The following CACNA1C variants were observed in gnomAD, a reference collection of about 807,000 sequenced individuals.
CACNA1C encodes the protein calcium voltage-gated channel subunit alpha1 C, also known as voltage-dependent L-type calcium channel subunit alpha-1C.
CACNA1C carries 30 observed loss-of-function variants against 229.0 expected under a neutral mutation model. The observed-to-expected ratio is 0.13, with a 90% CI of 0.10 to 0.18. The LOEUF (loss-of-function observed/expected upper bound fraction) is 0.18, where lower values mean the gene tolerates loss of function less well. Among genes scored for constraint, CACNA1C ranks in the 10% least tolerant of loss-of-function variants. The pLI is 1.00. For missense variants in CACNA1C, 1,658 were observed against 2,845.0 expected, an observed-to-expected ratio of 0.58 and a Z score of 9.49; for synonymous variants, 1,114 against 1,132.5, an observed-to-expected ratio of 0.98 and a Z score of 0.33.
intron 3 of CACNA1C, among the ~76,000 whole-genome samples, chr12:2,278,024 C>T (rs1476698258): frequency 6.6e-6 from 1 of 152,218 alleles, no homozygotes; most frequent in African/African-American, 2.4e-5. Flanking sequence ...TGACAGGCCT[C>T]AAGCCTGCAG....
chr12:2,608,159 T>C lies in CACNA1C; in HGVS notation c.3357-352T>C, dbSNP rs957173814. On this transcript the variant is annotated intron_variant, in intron 26 of 46. Coordinates refer to ENST00000399655, the MANE Select transcript of CACNA1C (RefSeq NM_000719.7). This position sits in a 1 kb window ranked among gnomAD's most constrained non-coding sequence, Gnocchi z 4.2. ...GAGCTCATGCCAGTTTGCAAAGCTG[T>C]CTCAATATTTACCAATATTTCCAGT... 2.7e-5 allele frequency: 5 copies of C among 184,370 alleles called. No homozygotes were observed. Among genetic ancestry groups the C allele is most frequent in the Non-Finnish European group, 5.6e-5 (5 of 89,492 alleles). 11.4% of individuals were successfully genotyped at this position (184,370 alleles called of 1,614,324 possible).
intron 3 of CACNA1C, among the ~76,000 whole-genome samples, chr12:2,156,961 G>A (rs2095583184): frequency 6.6e-6 from 1 of 152,230 alleles, no homozygotes; most frequent in Non-Finnish European, 1.5e-5. Flanking sequence ...TGCATGTACT[G>A]TATGAGACAG....
chr12:2,610,488 C>A (rs184829820), intron 27 of CACNA1C, 53 bp from the exon 28 acceptor site: 26 of 1,562,202 alleles, frequency 1.7e-5, no homozygotes, highest in Middle Eastern at 1.7e-4. Context: ...CAGCTCCCCC[C>A]ACACCCTCCA....
At chr12:2,550,562 A>C in intron 10 of CACNA1C, 2 of 1,351,788 alleles carry the variant, frequency 1.5e-6, no homozygotes, top group Non-Finnish European at 2.0e-6. Context: ...GCAGAAGTGC[A>C]GTGGAGCCTG....
chr12:2,529,074 A>G (rs918492522), intron 9 of CACNA1C, among the ~76,000 whole-genome samples: 2 of 152,230 alleles, frequency 1.3e-5, no homozygotes, highest in Non-Finnish European at 2.9e-5. Context: ...GTAGAAGTTT[A>G]GTTACATATT....
chr12:2,485,462 C>T (rs918675875), intron 5 of CACNA1C, among the ~76,000 whole-genome samples: 1 of 152,148 alleles, frequency 6.6e-6, no homozygotes, highest in Non-Finnish European at 1.5e-5. Context: ...CGGTGCAAGC[C>T]CCAGACCTCA....
intron 3 of CACNA1C, among the ~76,000 whole-genome samples, chr12:2,307,910 A>G (rs1229588332): frequency 2.6e-5 from 4 of 152,204 alleles, no homozygotes; most frequent in Admixed American, 6.5e-5. Flanking sequence ...TCATGGACTT[A>G]TTTAAAAGGA....
intron 3 of CACNA1C, among the ~76,000 whole-genome samples, chr12:2,153,001 AAAAC>A (rs1597440999): frequency 6.6e-6 from 1 of 152,236 alleles, no homozygotes; most frequent in Non-Finnish European, 1.5e-5. Context: ...AAAGCAAAGG[AAAAC>A]AAACAGTTTT....
chr12:2,210,896 A>G (rs1295884977), intron 3 of CACNA1C, among the ~76,000 whole-genome samples: 1 of 152,178 alleles, frequency 6.6e-6, no homozygotes, highest in Non-Finnish European at 1.5e-5. Flanking sequence ...ATCTGCAGCT[A>G]TAACTGGTAT....
In CACNA1C at chr12:2,674,413, C is replaced by G. The variant is rs548412272; in HGVS notation, c.4727-128C>G. ...GAAGACTGGGGAGAAGTGAAGCAAGCAAGAAAGAAACTGATGAGTCAGGGT... is the reference window on the plus strand; with the variant it reads ...GAAGACTGGGGAGAAGTGAAGCAAGGAAGAAAGAAACTGATGAGTCAGGGT... On this transcript the variant is annotated intron_variant, in intron 38 of 46. Transcript: ENST00000399655. 14 of 1,337,350 alleles carry G rather than the reference C, an allele frequency of 1.0e-5. No individual in the cohort carries two copies. In the South Asian group the frequency reaches 2.1e-4, roughly 20 times the overall value. 82.8% of individuals were successfully genotyped at this position (1,337,350 alleles called of 1,614,324 possible).
At chr12:2,329,714 T>C (rs1026290847) in intron 3 of CACNA1C, among the ~76,000 whole-genome samples, 1 of 152,194 alleles carries the variant, frequency 6.6e-6, no homozygotes, top group African/African-American at 2.4e-5. Context: ...GTGTGCACTT[T>C]ATGAAGTTCA....
intron 43 of CACNA1C, among the ~76,000 whole-genome samples, chr12:2,683,949 C>G (rs569632366): frequency 2.0e-5 from 3 of 152,224 alleles, no homozygotes; most frequent in African/African-American, 7.2e-5. Flanking sequence ...AAGCCCTCAC[C>G]GACCCCTCCC....
chr12:2,271,557 A>T (rs1006261585), intron 3 of CACNA1C, among the ~76,000 whole-genome samples: 1 of 152,152 alleles, frequency 6.6e-6, no homozygotes, highest in Non-Finnish European at 1.5e-5. Flanking sequence ...TAAAATGGGG[A>T]TGAAAATAGT....
rs1249037406 is a variant in CACNA1C, at chr12:2,285,330, A to G, written c.478-163646A>G. Among the ~76,000 whole-genome samples, 3 of 152,188 alleles carry G rather than the reference A, an allele frequency of 2.0e-5. No homozygotes were observed. The highest frequency in any genetic ancestry group is 4.4e-5 in the Non-Finnish European group (3 of 68,030). On this transcript the variant is annotated intron_variant, in intron 3 of 46. Transcript: ENST00000399655. The surrounding 1 kb of genome is among the most constrained non-coding windows in gnomAD (Gnocchi z 4.2). Reference sequence around the variant, plus strand: ...ACATTTACACCACAAAAACTGGCATATGCTACACCCAGAGCTTTCCTTCCC... The same window carrying G: ...ACATTTACACCACAAAAACTGGCATGTGCTACACCCAGAGCTTTCCTTCCC...
At chr12:2,207,847 T>G (rs2097795727) in intron 3 of CACNA1C, among the ~76,000 whole-genome samples, 1 of 135,854 alleles carries the variant, frequency 7.4e-6, no homozygotes, top group African/African-American at 2.6e-5. Flanking sequence ...AAAAAAACCA[T>G]GAGAAATTGG....
chr12:2,239,149 A>C (rs1175181166), intron 3 of CACNA1C, among the ~76,000 whole-genome samples: 1 of 152,196 alleles, frequency 6.6e-6, no homozygotes, highest in Non-Finnish European at 1.5e-5. Context: ...GGGCAGGGCA[A>C]AAGGGAGGAG....
intron 3 of CACNA1C, among the ~76,000 whole-genome samples, chr12:2,388,938 T>C (rs982899233): frequency 6.6e-6 from 1 of 152,160 alleles, no homozygotes; most frequent in Non-Finnish European, 1.5e-5. Flanking sequence ...AGGAGAGATG[T>C]GGGAGAGAAA....
intron 9 of CACNA1C, among the ~76,000 whole-genome samples, chr12:2,523,379 G>T (rs1234590631): frequency 1.3e-5 from 2 of 152,182 alleles, no homozygotes; most frequent in Non-Finnish European, 2.9e-5. Context: ...TTCAGTTCAG[G>T]GTTCCTTGGG....
intron 1 of CACNA1C, among the ~76,000 whole-genome samples, chr12:2,018,575 G>C (rs142460701): frequency 1.3e-5 from 2 of 152,168 alleles, no homozygotes; most frequent in Non-Finnish European, 2.9e-5. Flanking sequence ...GGCTGTGGAC[G>C]AGCGCTTCCT....
Sources: allele counts gnomAD v4.1 joint callset (sites outside exome capture counted in the v4.1 genomes callset), GRCh38; gene constraint gnomAD v4.1.1; non-coding constraint Gnocchi (gnomAD v3.1); transcripts MANE v1.5; gene names NCBI Gene and HGNC (gene_info 2026-07-23, HGNC 2026-07-21).